Variants in PCDH9 observed in about 807,000 individuals in gnomAD.
PCDH9 encodes the protein protocadherin-9.
PCDH9 carries 24 observed loss-of-function variants against 70.6 expected under a neutral mutation model. The observed-to-expected ratio is 0.34, with a 90% confidence interval of 0.25 to 0.48. The LOEUF is 0.48. Among genes scored for constraint, PCDH9 ranks in the 20% least tolerant of loss-of-function variants. The pLI is 0.99. For synonymous variants in PCDH9, 562 were observed against 558.5 expected (o/e 1.01, Z -0.09); for missense variants, 1,281 against 1,503.6 (o/e 0.85, Z 2.45).
intron 4 of PCDH9, among the ~76,000 whole-genome samples, chr13:66,345,924 G>A (rs553530609): frequency 6.6e-6 from 1 of 152,164 alleles, no homozygotes; most frequent in Non-Finnish European, 1.5e-5. Flanking sequence ...AGGCATTGAA[G>A]TGTACACCAC....
chr13:66,777,898 A>G (rs1323979401), intron 3 of PCDH9, among the ~76,000 whole-genome samples: 2 of 152,128 alleles, frequency 1.3e-5, no homozygotes, highest in Non-Finnish European at 2.9e-5. Context: ...TCCAACAACG[A>G]TAGACTGGAT....
At chr13:66,384,540 G>C (rs1308052145) in intron 4 of PCDH9, among the ~76,000 whole-genome samples, 1 of 152,114 alleles carries the variant, frequency 6.6e-6, no homozygotes, top group Non-Finnish European at 1.5e-5. Flanking sequence ...TGTGGAGTAA[G>C]AGCACCAAAA....
intron 4 of PCDH9, among the ~76,000 whole-genome samples, chr13:66,524,749 T>C (rs979899159): frequency 3.3e-5 from 5 of 152,096 alleles, no homozygotes; most frequent in African/African-American, 4.8e-5. Context: ...ATTAGCTTTC[T>C]AGCAAAGCCA....
chr13:67,075,334 A>T (rs1163638200), intron 2 of PCDH9, among the ~76,000 whole-genome samples: 2 of 151,902 alleles, frequency 1.3e-5, no homozygotes, highest in South Asian at 2.1e-4. Context: ...AGGAAAAAAT[A>T]AAAAAAAGGA....
At chr13:66,764,787 C>T (rs9571656) in intron 3 of PCDH9, among the ~76,000 whole-genome samples, 11,883 of 151,844 alleles carry the variant, frequency 0.078, 516 homozygotes, top group East Asian at 0.14. Flanking sequence ...TAGATGCACA[C>T]TGATTAAGAA....
intron 3 of PCDH9, among the ~76,000 whole-genome samples, chr13:66,749,302 C>G (rs1356291154): frequency 6.6e-6 from 1 of 152,176 alleles, no homozygotes; most frequent in Non-Finnish European, 1.5e-5. Flanking sequence ...GCATTTTAGA[C>G]AATCATCAGC....
At chr13:66,943,377 C>T (rs1357838371) in intron 2 of PCDH9, among the ~76,000 whole-genome samples, 1 of 151,956 alleles carries the variant, frequency 6.6e-6, no homozygotes, top group African/African-American at 2.4e-5. Context: ...ATTAGTAAAT[C>T]TCATTGGAAT....
At chr13:66,803,543 A>G (rs1403053578) in intron 3 of PCDH9, among the ~76,000 whole-genome samples, 8 of 152,154 alleles carry the variant, frequency 5.3e-5, no homozygotes, top group African/African-American at 1.9e-4. Context: ...CAGCAACACT[A>G]TGAAATCACA....
chr13:66,501,996 T>C (rs1490235341), intron 4 of PCDH9, among the ~76,000 whole-genome samples: 1 of 152,086 alleles, frequency 6.6e-6, no homozygotes. Flanking sequence ...CTGAAGGTGA[T>C]GTGAAGGCTT....
intron 3 of PCDH9, among the ~76,000 whole-genome samples, chr13:66,776,114 T>C (rs548622375): frequency 3.9e-5 from 6 of 152,136 alleles, no homozygotes; most frequent in Non-Finnish European, 8.8e-5. Flanking sequence ...TCTGCTCTTT[T>C]GATGGGACGT....
At chr13:66,437,234 C>T (rs1354527003) in intron 4 of PCDH9, among the ~76,000 whole-genome samples, 1 of 151,130 alleles carries the variant, frequency 6.6e-6, no homozygotes, top group Non-Finnish European at 1.5e-5. Flanking sequence ...GGTGAAACCC[C>T]GTCTCTACTA....
intron 4 of PCDH9, among the ~76,000 whole-genome samples, chr13:66,447,980 C>T (rs1958129838): frequency 6.6e-6 from 1 of 152,072 alleles, no homozygotes; most frequent in Non-Finnish European, 1.5e-5. Context: ...TTGTGTGAAC[C>T]TCACTGTTGT....
intron 3 of PCDH9, among the ~76,000 whole-genome samples, chr13:66,704,694 T>C (rs1308084043): frequency 6.6e-6 from 1 of 152,100 alleles, no homozygotes. Flanking sequence ...AGTGTAACTT[T>C]TTGCAAAGTG....
intron 3 of PCDH9, among the ~76,000 whole-genome samples, chr13:66,711,025 GAT>G (rs1335941822): frequency 6.6e-6 from 1 of 152,024 alleles, no homozygotes; most frequent in Non-Finnish European, 1.5e-5. Context: ...TATATTCACA[GAT>G]ATTTGAGATT....
chr13:66,669,943 G>GT (rs773376027), intron 3 of PCDH9, among the ~76,000 whole-genome samples: 19 of 152,018 alleles, frequency 1.2e-4, no homozygotes, highest in Non-Finnish European at 1.5e-5. Flanking sequence ...TTACTCTTTT[G>GT]TTTTTTTGTA....
chr13:67,206,968 C>G (rs550785427), intron 2 of PCDH9: 1 of 152,094 alleles, frequency 6.6e-6, no homozygotes, highest in Non-Finnish European at 1.5e-5. Context: ...CTAAAATTCA[C>G]GTTTGTGAAA....
At chr13:67,068,691 C>G (rs1293234228) in intron 2 of PCDH9, among the ~76,000 whole-genome samples, 1 of 152,064 alleles carries the variant, frequency 6.6e-6, no homozygotes, top group East Asian at 1.9e-4. Context: ...AGTTTAGAAC[C>G]CTATAGCACA....
Position 66,609,695 on chromosome 13 carries a change from T to C in PCDH9, c.3340+21515A>G, listed in dbSNP as rs368022215. 2.2e-4 allele frequency among the ~76,000 whole-genome samples: 34 copies of C among 152,220 alleles called. 1 individual carries two copies. In the South Asian group the frequency reaches 7.0e-3, roughly 32 times the overall value. On this transcript the variant is annotated intron_variant, in intron 4 of 4. Transcript: ENST00000377865. ...TACATGTCTTTTTTCTGATTTTATA[T>C]TTTAATAATTTGAAAAATTATTAAA...
intron 3 of PCDH9, among the ~76,000 whole-genome samples, chr13:66,806,228 T>G (rs1480297949): frequency 6.6e-6 from 1 of 152,148 alleles, no homozygotes; most frequent in Non-Finnish European, 1.5e-5. Flanking sequence ...TTGATTTAAT[T>G]TTTTTCTTTT....
Sources: allele counts gnomAD v4.1 joint callset (sites outside exome capture counted in the v4.1 genomes callset), GRCh38; gene constraint gnomAD v4.1.1; transcripts MANE v1.5; gene names NCBI Gene and HGNC (gene_info 2026-07-23, HGNC 2026-07-21).